Variants in ZNF274 observed in about 807,000 individuals in gnomAD.
ZNF274 encodes neurotrophin receptor-interacting factor homolog.
A neutral mutation model predicts 42.5 loss-of-function variants in ZNF274; 23 were observed. The ratio of observed to expected loss-of-function variants is 0.54; its 90% CI spans 0.39 to 0.77. The LOEUF (loss-of-function observed/expected upper bound fraction) is 0.77, where lower values mean the gene tolerates loss of function less well. ZNF274 is among the 30% of genes least tolerant of loss of function. ZNF274 has a pLI of 0.00. For synonymous variants in ZNF274, 292 were observed against 305.4 expected (o/e 0.96, Z 0.46); for missense variants, 679 against 806.5 (o/e 0.84, Z 1.91).
Position 58,207,846 on chromosome 19 carries a change from A to G in ZNF274, c.739+644A>G, listed in dbSNP as rs778772339. Among the ~76,000 whole-genome samples, 25 of 152,212 alleles carry G rather than the reference A, an allele frequency of 1.6e-4. No homozygotes were observed. Among genetic ancestry groups the G allele is most frequent in the Non-Finnish European group, 2.5e-4 (17 of 68,044 alleles). On this transcript the variant is annotated intron_variant, in intron 5 of 7. Coordinates refer to ENST00000617501, the MANE Select transcript of ZNF274 (RefSeq NM_133502.3). This position sits in a 1 kb window ranked among gnomAD's most constrained non-coding sequence, Gnocchi z 5.6. ...AAGCAAAGCAAAATGTTCTTCTAAAACAGTAGGGCTCGATCCCTGAGTTCC... is the reference window on the plus strand; with the variant it reads ...AAGCAAAGCAAAATGTTCTTCTAAAGCAGTAGGGCTCGATCCCTGAGTTCC...
At chr19:58,206,658 T>C in intron 4 of ZNF274, 62 bp from the exon 5 acceptor site, 1 of 1,482,494 alleles carries the variant, frequency 6.7e-7, no homozygotes, top group Non-Finnish European at 9.0e-7. Flanking sequence ...TAGTGAATAA[T>C]GGCGTTGAGC....
intron 4 of ZNF274, among the ~76,000 whole-genome samples, chr19:58,192,030 T>C (rs2075783897): frequency 6.6e-6 from 1 of 152,184 alleles, no homozygotes; most frequent in Admixed American, 6.5e-5. Context: ...GGGGAATTAC[T>C]TCAGAAGACC....
intron 4 of ZNF274, among the ~76,000 whole-genome samples, chr19:58,206,405 A>G (rs1175161089): frequency 6.6e-6 from 1 of 152,212 alleles, no homozygotes; most frequent in Non-Finnish European, 1.5e-5. Flanking sequence ...TTGGGGACAT[A>G]TGCTTTCAAT....
chr19:58,213,206 G>A lies in ZNF274; in HGVS notation c.*63G>A, dbSNP rs1208156517. 2.6e-6 allele frequency: 4 copies of A among 1,528,324 alleles called. No homozygotes were observed. In the African/African-American group the frequency reaches 4.2e-5, roughly 16 times the overall value. 94.7% of individuals were successfully genotyped at this position (1,528,324 alleles called of 1,614,324 possible). On this transcript the variant is annotated 3_prime_UTR_variant, in exon 8 of 8. Transcript: ENST00000617501. ...TGACCCTGCAATATAACATGCACAG[G>A]CCTGCTTGTGAATCAGGACTGAATG...
intron 4 of ZNF274, among the ~76,000 whole-genome samples, chr19:58,199,094 G>A (rs937924525): frequency 1.3e-5 from 2 of 152,016 alleles, no homozygotes; most frequent in East Asian, 1.9e-4. Context: ...GGCTGGGCAC[G>A]GTGGCTCAGT....
chr19:58,186,378 C>A, intron 3 of ZNF274, among the ~76,000 whole-genome samples: 1 of 151,428 alleles, frequency 6.6e-6, no homozygotes, highest in South Asian at 2.1e-4. Flanking sequence ...ATGATGAAAC[C>A]CTGTCTTTAC....
chr19:58,211,797 C>T lies in ZNF274; in HGVS notation c.979+111C>T, dbSNP rs117690796. The T allele has an allele frequency of 0.013, 19,027 of 1,428,766 alleles. 222 individuals are homozygous for T. Among genetic ancestry groups the T allele is most frequent in the South Asian group, 0.034 (2,337 of 69,164 alleles). 88.5% of individuals were successfully genotyped at this position (1,428,766 alleles called of 1,614,324 possible). ...CACACTGGGCATTCCCTCAAGGGGC[C>T]CTTGCTGCATCCAGGGCCTGTAAGT... On this transcript the variant is annotated intron_variant, in intron 7 of 7. Coordinates refer to ENST00000617501, the MANE Select transcript of ZNF274 (RefSeq NM_133502.3). The surrounding 1 kb of genome is among the most constrained non-coding windows in gnomAD (Gnocchi z 4.8).
At position 58,211,294 on chromosome 19, in the gene ZNF274, C is replaced by A; in HGVS notation, c.853-266C>A. On this transcript the variant is annotated intron_variant, in intron 6 of 7. Transcript: ENST00000617501. This position sits in a 1 kb window ranked among gnomAD's most constrained non-coding sequence, Gnocchi z 4.8. ...CAGCAATGGGCAAGCTGGATAGAGCCGTGGTTAGGATGGAGTTGTTTGCTT... is the reference window on the plus strand; with the variant it reads ...CAGCAATGGGCAAGCTGGATAGAGCAGTGGTTAGGATGGAGTTGTTTGCTT... 2 of 347,378 alleles carry A rather than the reference C, an allele frequency of 5.8e-6. No homozygotes were observed. Among genetic ancestry groups the A allele is most frequent in the Non-Finnish European group, 5.2e-6 (1 of 192,186 alleles). The allele number at this position is 347,378 out of a possible 1,614,324, so 21.5% of individuals were successfully genotyped here.
chr19:58,204,159 G>A (rs1036829148), intron 4 of ZNF274, among the ~76,000 whole-genome samples: 2 of 152,206 alleles, frequency 1.3e-5, no homozygotes, highest in Admixed American at 1.3e-4. Context: ...CGCGAGGTCC[G>A]GAGAAATACC....
At chr19:58,183,549 CCCTGAGCCGG>C in intron 1 of ZNF274, 107 bp downstream of exon 1, 1 of 173,752 alleles carries the variant, frequency 5.8e-6, no homozygotes, top group Non-Finnish European at 1.3e-5. Context: ...AGCTCGGGTA[CCCTGAGCCGG>C]CCGTGCCTGC....
At position 58,209,965 on chromosome 19, in the gene ZNF274, TC is replaced by T. The variant is rs1233485896; in HGVS notation, c.746del (p.Pro249LeufsTer31). 3 of 1,611,446 alleles carry T rather than the reference TC, an allele frequency of 1.9e-6. No individual in the cohort carries two copies. The highest frequency in any genetic ancestry group is 2.5e-6 in the Non-Finnish European group (3 of 1,178,988). ...CTGGCTGGTGTCTCCTCCCAGTACT[TC>T]CTGCAGGACAACCTGCCGAGGGCAC... is the stretch of plus-strand genomic sequence containing the variant. ...VTWMSEEEVL[P>X]AGQPAEGTTC... is the part of the protein sequence containing the mutation. On this transcript the variant is annotated frameshift_variant, in exon 6 of 8. Coordinates refer to ENST00000617501, the MANE Select transcript of ZNF274 (RefSeq NM_133502.3). LOFTEE classifies it high-confidence loss of function.
At chr19:58,183,866 C>T (rs1054452849) in intron 1 of ZNF274, 55 bp from the exon 2 acceptor site, 1 of 1,237,738 alleles carries the variant, frequency 8.1e-7, no homozygotes. Flanking sequence ...GCTGCGGTAG[C>T]TCCCCAGCGG....
At position 58,185,705 on chromosome 19, in the gene ZNF274, T is replaced by C; in HGVS notation, c.34-7T>C. Reference sequence around the variant, plus strand: ...GCCTGTGGCTGAACAAGAATCTGGATTTTTAGGAACCAGTGACCTTTGAAG... The same window carrying C: ...GCCTGTGGCTGAACAAGAATCTGGACTTTTAGGAACCAGTGACCTTTGAAG... On this transcript the variant is annotated splice_polypyrimidine_tract_variant and splice_region_variant and intron_variant, in intron 2 of 7. Transcript: ENST00000617501. The C allele has an allele frequency of 1.4e-6, 2 of 1,437,994 alleles. No individual in the cohort carries two copies. The highest frequency in any genetic ancestry group is 3.2e-5 in the South Asian group (2 of 62,588). 89.1% of individuals were successfully genotyped at this position (1,437,994 alleles called of 1,614,324 possible). A position where few individuals can be genotyped will look rare whatever the true frequency, so the allele number is the denominator to read the frequency against.
rs748820183 is a variant in ZNF274 at position 58,212,171 on chromosome 19, T to C, written c.990T>C (p.Thr330=). 6.2e-7 allele frequency: 1 copy of C among 1,604,186 alleles called. No homozygotes were observed. Among genetic ancestry groups the C allele is most frequent in the Non-Finnish European group, 8.5e-7 (1 of 1,178,528 alleles). Reference sequence around the variant, plus strand: ...GTTTATTTTTTTCAGGGTGGGAGACTACACTGGAAAATAAAGAGTTAGCTC... The same window carrying C: ...GTTTATTTTTTTCAGGGTGGGAGACCACACTGGAAAATAAAGAGTTAGCTC... ...FGHLVSVGWE[T]TLENKELAPN... is the part of the protein sequence containing the mutation. The change falls in exon 8 of 8, where the codon ACT becomes ACC. Residue 330 remains threonine, a synonymous_variant. Transcript: ENST00000617501. This position sits in a 1 kb window ranked among gnomAD's most constrained non-coding sequence, Gnocchi z 4.6.
intron 4 of ZNF274, among the ~76,000 whole-genome samples, chr19:58,193,415 GGATTACAGGTGT>G (rs1378589402): frequency 1.4e-5 from 2 of 147,244 alleles, no homozygotes; most frequent in Admixed American, 1.4e-4. Flanking sequence ...CAAAGTGCTG[GGATTACAGGTGT>G]GAGCCACCGC....
rs954583704 is a variant in ZNF274 at position 58,185,947 on chromosome 19, A to T, written c.160+109A>T. On this transcript the variant is annotated intron_variant, in intron 3 of 7. Coordinates refer to ENST00000617501, the MANE Select transcript of ZNF274 (RefSeq NM_133502.3). Reference sequence around the variant, plus strand: ...ACACTGCAGGGGCACCAGTAGGAAAAGGGCAGCTTTTCAGTATGACTTCTG... The same window carrying T: ...ACACTGCAGGGGCACCAGTAGGAAATGGGCAGCTTTTCAGTATGACTTCTG... The T allele has an allele frequency of 1.7e-5, 18 of 1,043,100 alleles. No homozygotes were observed. The African/African-American group carries it at 2.6e-4, about 15-fold the overall frequency. 64.6% of individuals were successfully genotyped at this position (1,043,100 alleles called of 1,614,324 possible).
Position 58,191,702 on chromosome 19 carries a change from T to C in ZNF274, c.256+4660T>C, listed in dbSNP as rs80335038. ...CAGAGGCCACATGAGGGGAGGCTCA[T>C]CAGGAGGTACTGTTGCAGTCTCAGC... On this transcript the variant is annotated intron_variant, in intron 4 of 7. Coordinates refer to ENST00000617501, the MANE Select transcript of ZNF274 (RefSeq NM_133502.3). Among the ~76,000 whole-genome samples, 952 of 152,324 alleles carry C rather than the reference T, an allele frequency of 6.2e-3. 11 individuals are homozygous for C. The highest frequency in any genetic ancestry group is 0.022 in the African/African-American group (922 of 41,584).
In ZNF274 at chr19:58,212,409, G is replaced by A. The variant is rs753712160; in HGVS notation, c.1228G>A (p.Gly410Ser). 10 of 1,612,886 alleles carry A rather than the reference G, an allele frequency of 6.2e-6. No individual in the cohort carries two copies. In the South Asian group the frequency reaches 9.9e-5, roughly 16 times the overall value. ...FDNRESQANS[G>S]ALDTNQVSLQ... ...CAACCGTGAGTCCCAGGCAAACAGT[G>A]GTGCTCTTGACACAAACCAAGTTTC... Residue 410 changes from glycine to serine, a missense_variant, in exon 8 of 8, where the codon GGT becomes AGT. Physicochemically the swap from Gly to Ser is moderately conservative, Grantham distance 56. Transcript: ENST00000617501. The surrounding 1 kb of genome is among the most constrained non-coding windows in gnomAD (Gnocchi z 4.6).
intron 4 of ZNF274, among the ~76,000 whole-genome samples, chr19:58,203,006 C>T (rs1208930880): frequency 6.6e-6 from 1 of 152,098 alleles, no homozygotes; most frequent in Admixed American, 6.5e-5. Context: ...GTAGAAGAAT[C>T]CAACAGTTGT....
Sources: gnomAD v4.1 joint callset for allele counts (sites outside exome capture counted in the v4.1 genomes callset) on GRCh38, gnomAD v4.1.1 for gene constraint, Gnocchi (gnomAD v3.1) non-coding constraint, MANE v1.5 for transcripts, NCBI Gene and HGNC (gene_info 2026-07-23, HGNC 2026-07-21) for gene names.